SLC20A2: variants seen among roughly 807,000 people sequenced by gnomAD.
SLC20A2 encodes solute carrier family 20 member 2.
Under a neutral mutation model 61.0 loss-of-function variants are expected in SLC20A2, and 30 were observed. The ratio of observed to expected loss-of-function variants is 0.49; its 90% CI spans 0.37 to 0.67. The LOEUF is 0.67. Among genes scored for constraint, SLC20A2 ranks in the 30% least tolerant of loss-of-function variants. The probability of loss-of-function intolerance (pLI) is 0.00; values close to 1 mark genes in which losing one functional copy is unlikely to be tolerated. For missense variants in SLC20A2, 626 were observed against 866.4 expected, an observed-to-expected ratio of 0.72 and a Z score of 3.48; for synonymous variants, 351 against 353.3, an observed-to-expected ratio of 0.99 and a Z score of 0.07.
intron 8 of SLC20A2, among the ~76,000 whole-genome samples, chr8:42,435,105 G>A (rs551513513): frequency 2.6e-5 from 4 of 152,284 alleles, no homozygotes; most frequent in East Asian, 3.9e-4. Context: ...GAAGTGGGAC[G>A]GTGTGGGGGC....
intron 1 of SLC20A2, among the ~76,000 whole-genome samples, chr8:42,507,677 C>A (rs1182429107): frequency 6.6e-6 from 1 of 152,214 alleles, no homozygotes; most frequent in Non-Finnish European, 1.5e-5. Context: ...TGGCAGGATG[C>A]CCATGACCAC....
At chr8:42,439,187 C>A (rs922700167) in intron 7 of SLC20A2, among the ~76,000 whole-genome samples, 1 of 152,238 alleles carries the variant, frequency 6.6e-6, no homozygotes, top group Admixed American at 6.5e-5. Context: ...GGGTGCAGCA[C>A]AGACATACAG....
At chr8:42,529,393 C>A (rs949835883) in intron 1 of SLC20A2, among the ~76,000 whole-genome samples, 9 of 152,072 alleles carry the variant, frequency 5.9e-5, no homozygotes, top group Non-Finnish European at 1.0e-4. Context: ...TACTTATAAT[C>A]ACATATTCTA....
chr8:42,449,270 G>A (rs1287810360), intron 5 of SLC20A2, among the ~76,000 whole-genome samples: 2 of 152,102 alleles, frequency 1.3e-5, no homozygotes, highest in African/African-American at 4.8e-5. Flanking sequence ...CCCGCGCAAG[G>A]AGCTCTGGGT....
At chr8:42,509,657 G>A (rs1490384512) in intron 1 of SLC20A2, among the ~76,000 whole-genome samples, 1 of 152,174 alleles carries the variant, frequency 6.6e-6, no homozygotes. Flanking sequence ...GGGAAGCTGA[G>A]GTGGTAGGAT....
chr8:42,502,804 C>T (rs1810405238), upstream of SLC20A2, among the ~76,000 whole-genome samples: 1 of 152,206 alleles, frequency 6.6e-6, no homozygotes, highest in Non-Finnish European at 1.5e-5. Flanking sequence ...GAATTATTCT[C>T]AATAATCCAC....
chr8:42,514,311 G>T (rs1486289696), intron 1 of SLC20A2, among the ~76,000 whole-genome samples: 6 of 152,176 alleles, frequency 3.9e-5, no homozygotes, highest in African/African-American at 7.2e-5. Flanking sequence ...TAAAACAATA[G>T]TTAACTGGGT....
chr8:42,440,804 T>C (rs951366288), intron 6 of SLC20A2, among the ~76,000 whole-genome samples: 1 of 152,186 alleles, frequency 6.6e-6, no homozygotes, highest in Non-Finnish European at 1.5e-5. Flanking sequence ...ATTATTTATT[T>C]ATTTATTTAT....
intron 5 of SLC20A2, among the ~76,000 whole-genome samples, chr8:42,452,333 TAGG>T (rs1463649903): frequency 3.2e-5 from 3 of 94,616 alleles, no homozygotes; most frequent in Non-Finnish European, 5.8e-5. Context: ...AAGAAAGAGA[TAGG>T]AGGAGGAAGA....
In SLC20A2 at chr8:42,473,181, C is replaced by T. The variant is rs545397245; in HGVS notation, c.-264-527G>A. Among the ~76,000 whole-genome samples, 8 of 152,204 alleles carry T rather than the reference C, an allele frequency of 5.3e-5. No individual in the cohort carries two copies. In the East Asian group the frequency reaches 1.5e-3, roughly 29 times the overall value. ...TGTCTGGGAGAGTTTACAGGCCTGG[C>T]GAGAGGTCACTCATCTGGAGGGTGA... is the stretch of plus-strand genomic sequence containing the variant. On this transcript the variant is annotated intron_variant, in intron 1 of 10. Coordinates refer to ENST00000520262, the MANE Select transcript of SLC20A2 (RefSeq NM_001257180.2).
intron 10 of SLC20A2, among the ~76,000 whole-genome samples, chr8:42,427,390 A>T (rs1433340207): frequency 6.6e-6 from 1 of 152,186 alleles, no homozygotes; most frequent in Non-Finnish European, 1.5e-5. Flanking sequence ...GATCTATCAC[A>T]TGTGGCTGTG....
At chr8:42,455,255 T>G (rs867140788) in intron 5 of SLC20A2, among the ~76,000 whole-genome samples, 1,313 of 96,948 alleles carry the variant, frequency 0.014, 18 homozygotes, top group Non-Finnish European at 0.021. Context: ...TATATATATA[T>G]ATAGAGAGAG....
intron 1 of SLC20A2, among the ~76,000 whole-genome samples, chr8:42,473,350 G>A (rs1468177710): frequency 7.2e-6 from 1 of 138,472 alleles, no homozygotes; most frequent in African/African-American, 3.5e-5. Context: ...AGGCCTCCTC[G>A]CAGCTCACTG....
chr8:42,435,944 C>T (rs968908184), intron 8 of SLC20A2, among the ~76,000 whole-genome samples: 2 of 151,974 alleles, frequency 1.3e-5, no homozygotes, highest in Non-Finnish European at 2.9e-5. Context: ...TGGGAAACCC[C>T]GTCTCTACTA....
chr8:42,482,136 A>G (rs752718121), intron 1 of SLC20A2, among the ~76,000 whole-genome samples: 1 of 152,232 alleles, frequency 6.6e-6, no homozygotes. Flanking sequence ...CATGACTTAC[A>G]TGGAAAATAT....
In SLC20A2 at chr8:42,417,693, T is replaced by C; in HGVS notation, c.*110A>G. The C allele has an allele frequency of 1.6e-6, 2 of 1,217,420 alleles. No individual in the cohort carries two copies. The highest frequency in any genetic ancestry group is 2.3e-6 in the Non-Finnish European group (2 of 853,960). The allele number at this position is 1,217,420 out of a possible 1,614,324, so 75.4% of individuals were successfully genotyped here. A position where few individuals can be genotyped will look rare whatever the true frequency, so the allele number is the denominator to read the frequency against. On this transcript the variant is annotated 3_prime_UTR_variant, in exon 11 of 11. Transcript: ENST00000520262. ...TGGAAGGGAGGCAGAGAGCTGGTCA[T>C]GAGAGAGCCGTGCACGGCCAGGATG... is the stretch of plus-strand genomic sequence containing the variant.
At chr8:42,480,463 A>G (rs1282043077) in intron 1 of SLC20A2, 1 of 152,210 alleles carries the variant, frequency 6.6e-6, no homozygotes, top group East Asian at 1.9e-4. Context: ...ATTTACCATG[A>G]ATCTATTTAT....
intron 1 of SLC20A2, among the ~76,000 whole-genome samples, chr8:42,496,801 T>C (rs1233240859): frequency 6.6e-6 from 1 of 152,202 alleles, no homozygotes; most frequent in African/African-American, 2.4e-5. Flanking sequence ...CAACTTTCCT[T>C]GCAGCCCCCT....
At chr8:42,535,776 T>G (rs527763325) in intron 1 of SLC20A2, among the ~76,000 whole-genome samples, 11 of 152,374 alleles carry the variant, frequency 7.2e-5, no homozygotes, top group African/African-American at 2.6e-4. Context: ...GATGGTTTAA[T>G]ACTGATGTCC....
Sources: allele counts gnomAD v4.1 joint callset (sites outside exome capture counted in the v4.1 genomes callset), GRCh38; gene constraint gnomAD v4.1.1; transcripts MANE v1.5; gene names NCBI Gene and HGNC (gene_info 2026-07-23, HGNC 2026-07-21).